RPAP2: variants seen among roughly 807,000 people sequenced by gnomAD.
RPAP2 encodes putative RNA polymerase II subunit B1 CTD phosphatase RPAP2.
In RPAP2, 52 loss-of-function variants were observed where a neutral mutation model predicts 73.1. The observed-to-expected ratio is 0.71, with a 90% CI of 0.57 to 0.90. The LOEUF is 0.90. RPAP2 is among the 40% of genes least tolerant of loss of function. RPAP2 has a pLI of 0.00. For missense variants in RPAP2, 598 were observed against 701.8 expected (o/e 0.85, Z 1.67); for synonymous variants, 225 against 242.1 (o/e 0.93, Z 0.65).
chr1:92,364,154 C>T (rs1654838030), intron 11 of RPAP2, among the ~76,000 whole-genome samples: 1 of 152,136 alleles, frequency 6.6e-6, no homozygotes, highest in South Asian at 2.1e-4. Context: ...CCAGATGAGG[C>T]TACAGATCAT....
At chr1:92,314,962 T>C (rs566713675) in intron 6 of RPAP2, among the ~76,000 whole-genome samples, 1 of 152,106 alleles carries the variant, frequency 6.6e-6, no homozygotes, top group East Asian at 1.9e-4. Flanking sequence ...CGAGAATCTC[T>C]TGAACCCGAG....
rs199617608 is a variant in RPAP2, at chr1:92,364,960, C to T, written c.1689-15764C>T. On this transcript the variant is annotated intron_variant, in intron 11 of 12. Coordinates refer to ENST00000610020, the MANE Select transcript of RPAP2 (RefSeq NM_024813.3). ...CAAGGCCCTTCAGAAGTGGCCCCAA[C>T]TTACCTATTCACCTTATTTCCCTTT... Among the ~76,000 whole-genome samples, 4 of 152,340 alleles carry T rather than the reference C, an allele frequency of 2.6e-5. No individual in the cohort carries two copies. In the East Asian group the frequency reaches 7.7e-4, roughly 29 times the overall value.
chr1:92,387,633 T>C lies in RPAP2; in HGVS notation c.*622T>C, dbSNP rs1231984678. 1 of 152,192 alleles carries C rather than the reference T, an allele frequency of 6.6e-6. No homozygotes were observed. Among genetic ancestry groups the C allele is most frequent in the Non-Finnish European group, 1.5e-5 (1 of 68,040 alleles). The allele number at this position is 152,192 out of a possible 1,614,324, so 9.4% of individuals were successfully genotyped here. ...TTTATCAGGTAGGCAAGTTAGCAGT[T>C]GAGGCGGAACACAGACAACTTGGGG... On this transcript the variant is annotated 3_prime_UTR_variant, in exon 13 of 13. Coordinates refer to ENST00000610020, the MANE Select transcript of RPAP2 (RefSeq NM_024813.3).
Position 92,299,103 on chromosome 1 carries a change from C to T in RPAP2, c.30C>T (p.Ala10=), listed in dbSNP as rs562214352. The T allele has an allele frequency of 2.6e-4, 394 of 1,521,206 alleles. 2 individuals carry two copies. The South Asian group carries it at 3.9e-3, about 15-fold the overall frequency. 94.2% of individuals were successfully genotyped at this position (1,521,206 alleles called of 1,614,324 possible). Residue 10 remains alanine (A), a synonymous_variant, in exon 1 of 13, where the codon GCC becomes GCT. Transcript: ENST00000610020. MADFAGPSS[A]GRKAGAPRCS... The stretch of plus-strand genomic sequence containing the variant: ...CGGACTTCGCTGGGCCGTCTTCTGC[C>T]GGCCGCAAGGCCGGGGCTCCCCGCT...
intron 11 of RPAP2, among the ~76,000 whole-genome samples, chr1:92,354,719 A>G (rs1654378314): frequency 6.6e-6 from 1 of 152,024 alleles, no homozygotes; most frequent in Admixed American, 6.6e-5. Context: ...TAGTTCTGAA[A>G]TGGAAAGTTC....
intron 9 of RPAP2, among the ~76,000 whole-genome samples, chr1:92,333,986 G>A (rs886656136): frequency 3.3e-5 from 5 of 152,118 alleles, no homozygotes; most frequent in African/African-American, 9.7e-5. Flanking sequence ...CTTGTAATTA[G>A]CCCAGTCATA....
chr1:92,367,696 T>C (rs182963104), intron 11 of RPAP2, among the ~76,000 whole-genome samples: 3 of 152,286 alleles, frequency 2.0e-5, no homozygotes, highest in Non-Finnish European at 2.9e-5. Context: ...GTGTGTGGCC[T>C]TTCACTTCCT....
chr1:92,339,870 A>G (rs1406260895), intron 10 of RPAP2, among the ~76,000 whole-genome samples: 1 of 152,040 alleles, frequency 6.6e-6, no homozygotes, highest in South Asian at 2.1e-4. Context: ...CCTTCTAGTT[A>G]CTTTCTGCAT....
At chr1:92,300,646 A>G (rs899839240) in intron 2 of RPAP2, among the ~76,000 whole-genome samples, 9 of 152,218 alleles carry the variant, frequency 5.9e-5, no homozygotes, top group African/African-American at 2.2e-4. Flanking sequence ...GGTTCTAAAA[A>G]GGCAAGATAT....
At chr1:92,364,793 C>T (rs1395476427) in intron 11 of RPAP2, among the ~76,000 whole-genome samples, 1 of 152,120 alleles carries the variant, frequency 6.6e-6, no homozygotes, top group Non-Finnish European at 1.5e-5. Flanking sequence ...GTCTCCTTGC[C>T]GTGTGTCTCT....
In RPAP2 at chr1:92,391,786, A is replaced by T. The variant is rs555570377; in HGVS notation, c.*4775A>T. ...ACAAATAAACTAGAAAATCTAGAAG[A>T]AATGGATAAATTCCTCGACACATAC... On this transcript the variant is annotated 3_prime_UTR_variant, in exon 13 of 13. Transcript: ENST00000610020. 1 of 152,350 alleles carries T rather than the reference A, an allele frequency of 6.6e-6. No individual in the cohort carries two copies. The highest frequency in any genetic ancestry group is 1.9e-4 in the East Asian group (1 of 5,190). The allele number at this position is 152,350 out of a possible 1,614,324, so 9.4% of individuals were successfully genotyped here.
At chr1:92,322,197 T>C (rs185068607) in intron 7 of RPAP2, among the ~76,000 whole-genome samples, 2,011 of 151,268 alleles carry the variant, frequency 0.013, 22 homozygotes, top group Non-Finnish European at 0.021. Flanking sequence ...CCACCTGCCT[T>C]GGCCTCCCAA....
Position 92,324,390 on chromosome 1 carries a change from C to T in RPAP2, c.1455+15C>T, listed in dbSNP as rs1205230509. The T allele has an allele frequency of 1.9e-6, 3 of 1,574,432 alleles. No individual in the cohort carries two copies. The Admixed American group carries it at 5.5e-5, about 29-fold the overall frequency. On this transcript the variant is annotated intron_variant, in intron 8 of 12. Coordinates refer to ENST00000610020, the MANE Select transcript of RPAP2 (RefSeq NM_024813.3). ...ACTCAGAAGAGGTATGTCTTACAGA[C>T]ATTGAGTTTTTCCAGATCGTTAACA...
chr1:92,320,928 T>A (rs1267063122), intron 7 of RPAP2, among the ~76,000 whole-genome samples: 1 of 152,244 alleles, frequency 6.6e-6, no homozygotes, highest in African/African-American at 2.4e-5. Flanking sequence ...TGCTTCTTTG[T>A]CAACTAGATT....
At chr1:92,336,455 C>A in intron 10 of RPAP2, 28 bp downstream of exon 10, 2 of 1,452,648 alleles carry the variant, frequency 1.4e-6, no homozygotes, top group Non-Finnish European at 1.9e-6. Flanking sequence ...AATTATCCTT[C>A]TCAATTATTT....
intron 2 of RPAP2, among the ~76,000 whole-genome samples, chr1:92,301,110 T>G (rs1178350608): frequency 6.6e-6 from 1 of 152,192 alleles, no homozygotes; most frequent in Non-Finnish European, 1.5e-5. Context: ...AAAGAGTATA[T>G]AAAGACTTAT....
intron 6 of RPAP2, among the ~76,000 whole-genome samples, chr1:92,313,832 TG>T (rs751657712): frequency 5.9e-5 from 9 of 152,238 alleles, no homozygotes; most frequent in Non-Finnish European, 1.2e-4. Flanking sequence ...TTGGATAACT[TG>T]CTGTACCTTC....
rs916382901 is a variant in RPAP2, at chr1:92,299,108, G to C, written c.35G>C (p.Arg12Pro). 3 of 1,520,810 alleles carry C rather than the reference G, an allele frequency of 2.0e-6. No individual in the cohort carries two copies. The highest frequency in any genetic ancestry group is 2.1e-5 in the Admixed American group (1 of 48,228). 94.2% of individuals were successfully genotyped at this position (1,520,810 alleles called of 1,614,324 possible). The change falls in exon 1 of 13, where the codon CGC becomes CCC. Residue 12 changes from arginine (R) to proline (P), a missense_variant. Arg to Pro is a moderately radical substitution (Grantham distance 103, BLOSUM62 -2). Transcript: ENST00000610020. Reference sequence around the variant, plus strand: ...TTCGCTGGGCCGTCTTCTGCCGGCCGCAAGGCCGGGGCTCCCCGCTGCTCT... The same window carrying C: ...TTCGCTGGGCCGTCTTCTGCCGGCCCCAAGGCCGGGGCTCCCCGCTGCTCT... Reference protein sequence around the residue: ...ADFAGPSSAGRKAGAPRCSRK... With the variant: ...ADFAGPSSAGPKAGAPRCSRK...
At chr1:92,324,427 C>G in intron 8 of RPAP2, 52 bp downstream of exon 8, 1 of 1,315,700 alleles carries the variant, frequency 7.6e-7, no homozygotes, top group African/African-American at 1.5e-5. Flanking sequence ...TTGGAAAACT[C>G]ACCACAGCAA....
Sources: allele counts gnomAD v4.1 joint callset (sites outside exome capture counted in the v4.1 genomes callset), GRCh38; gene constraint gnomAD v4.1.1; transcripts MANE v1.5; gene names NCBI Gene and HGNC (gene_info 2026-07-23, HGNC 2026-07-21).